SNTG1: variants seen among roughly 807,000 people sequenced by gnomAD.
The protein encoded by SNTG1 is syntrophin gamma 1.
Under a neutral mutation model 74.7 loss-of-function variants are expected in SNTG1, and 39 were observed. That is an observed-to-expected ratio of 0.52 (90% CI 0.40 to 0.68). The LOEUF (loss-of-function observed/expected upper bound fraction) is 0.68. Among genes scored for constraint, SNTG1 ranks in the 30% least tolerant of loss-of-function variants. The probability of loss-of-function intolerance (pLI) is 0.00; values close to 1 mark genes in which losing one functional copy is unlikely to be tolerated. For missense variants in SNTG1, 685 were observed against 609.5 expected, an observed-to-expected ratio of 1.12 and a Z score of -1.30; for synonymous variants, 254 against 217.1, an observed-to-expected ratio of 1.17 and a Z score of -1.49.
chr8:50,144,303 CAT>C (rs541086740), intron 1 of SNTG1, among the ~76,000 whole-genome samples: 22 of 152,194 alleles, frequency 1.4e-4, no homozygotes, highest in Non-Finnish European at 2.6e-4. Context: ...AGGAAGGAAA[CAT>C]AAAAATGGAG....
Position 50,227,719 on chromosome 8 carries a change from G to A in SNTG1, c.-28+55084G>A, listed in dbSNP as rs116046485. Among the ~76,000 whole-genome samples, 445 of 150,674 alleles carry A rather than the reference G, an allele frequency of 3.0e-3. 3 individuals carry two copies. The highest frequency in any genetic ancestry group is 0.01 in the African/African-American group (425 of 41,026). ...TTTTCCCTGAAGACAAGTCATCGGA[G>A]AAGCCAAAAGTCAAGGGAACAAGGA... On this transcript the variant is annotated intron_variant, in intron 2 of 18. Coordinates refer to ENST00000642720, the MANE Select transcript of SNTG1 (RefSeq NM_018967.5).
intron 1 of SNTG1, among the ~76,000 whole-genome samples, chr8:50,133,323 T>C (rs1248020232): frequency 6.6e-6 from 1 of 152,184 alleles, no homozygotes; most frequent in Non-Finnish European, 1.5e-5. Flanking sequence ...TTAATGTCCA[T>C]ATTTCTAACA....
At position 50,688,184 on chromosome 8, in the gene SNTG1, A is replaced by C. The variant is rs556754800; in HGVS notation, c.1039-16416A>C. Among the ~76,000 whole-genome samples the C allele has an allele frequency of 2.8e-4, 42 of 152,144 alleles. 1 individual carries two copies. The highest frequency in any genetic ancestry group is 5.0e-4 in the Non-Finnish European group (34 of 68,002). The stretch of plus-strand genomic sequence containing the variant: ...CTTTGTCAGATGAGTAGATTGCAAA[A>C]ATTTTCTCCCATTCTCTAGGTTGCC... On this transcript the variant is annotated intron_variant, in intron 15 of 18. Transcript: ENST00000642720.
intron 15 of SNTG1, among the ~76,000 whole-genome samples, chr8:50,680,622 G>C (rs1317702530): frequency 6.6e-6 from 1 of 152,062 alleles, no homozygotes; most frequent in Non-Finnish European, 1.5e-5. Context: ...AATGGTAGTG[G>C]CTCTGTCTAC....
chr8:50,578,203 A>T (rs938674690), intron 12 of SNTG1, among the ~76,000 whole-genome samples: 1 of 152,218 alleles, frequency 6.6e-6, no homozygotes, highest in Non-Finnish European at 1.5e-5. Context: ...TGTAGACCCA[A>T]AGAGAAAGTC....
intron 1 of SNTG1, among the ~76,000 whole-genome samples, chr8:50,099,512 G>A (rs1490658995): frequency 6.6e-6 from 1 of 152,126 alleles, no homozygotes; most frequent in African/African-American, 2.4e-5. Context: ...GATATCCAGA[G>A]GTAGGATTCC....
intron 2 of SNTG1, among the ~76,000 whole-genome samples, chr8:50,295,218 T>C (rs560118475): frequency 1.1e-3 from 164 of 152,280 alleles, no homozygotes; most frequent in South Asian, 2.7e-3. Flanking sequence ...AATAATCATG[T>C]TTTCTAATAA....
intron 2 of SNTG1, among the ~76,000 whole-genome samples, chr8:50,345,323 G>A (rs2091439831): frequency 6.6e-6 from 1 of 152,180 alleles, no homozygotes; most frequent in African/African-American, 2.4e-5. Context: ...AGCTGGCAAG[G>A]TGCATGTCTA....
chr8:50,738,475 C>A (rs2095534606), intron 17 of SNTG1, among the ~76,000 whole-genome samples: 2 of 152,106 alleles, frequency 1.3e-5, no homozygotes, highest in Non-Finnish European at 2.9e-5. Context: ...TGAAAATGGC[C>A]ATACTGCCCA....
intron 8 of SNTG1, among the ~76,000 whole-genome samples, chr8:50,478,644 G>C (rs751533035): frequency 6.6e-6 from 1 of 152,100 alleles, no homozygotes; most frequent in African/African-American, 2.4e-5. Flanking sequence ...GTAAAGTAGT[G>C]CATGTGTGTG....
chr8:50,589,202 T>G (rs113397035), intron 12 of SNTG1, among the ~76,000 whole-genome samples: 10 of 152,318 alleles, frequency 6.6e-5, no homozygotes, highest in African/African-American at 1.9e-4. Flanking sequence ...ATGGTAACAT[T>G]CACATATCAG....
chr8:50,506,980 T>G (rs558800123), intron 9 of SNTG1, among the ~76,000 whole-genome samples: 2 of 152,088 alleles, frequency 1.3e-5, no homozygotes, highest in Admixed American at 6.6e-5. Context: ...TATGTAGAGG[T>G]AATTTCCTTC....
intron 4 of SNTG1, among the ~76,000 whole-genome samples, chr8:50,436,155 T>C (rs1383183505): frequency 6.6e-6 from 1 of 152,182 alleles, no homozygotes; most frequent in East Asian, 1.9e-4. Flanking sequence ...TTAAGACAAC[T>C]GATATGGGTT....
At chr8:50,680,760 G>A (rs1433581848) in intron 15 of SNTG1, among the ~76,000 whole-genome samples, 1 of 152,014 alleles carries the variant, frequency 6.6e-6, no homozygotes, top group Non-Finnish European at 1.5e-5. Flanking sequence ...GCATTGGGCT[G>A]CGGCCCTGGA....
Position 50,741,550 on chromosome 8 carries a change from C to A in SNTG1, c.1285-10451C>A, listed in dbSNP as rs148313813. Among the ~76,000 whole-genome samples, 19 of 152,200 alleles carry A rather than the reference C, an allele frequency of 1.2e-4. No individual in the cohort carries two copies. In the East Asian group the frequency reaches 3.1e-3, roughly 25 times the overall value. On this transcript the variant is annotated intron_variant, in intron 17 of 18. Coordinates refer to ENST00000642720, the MANE Select transcript of SNTG1 (RefSeq NM_018967.5). ...GTATTTACTCAAAGTATCTAAAAAG[C>A]TATGTCCTCACAAAAGTCTGCACAT...
chr8:50,205,348 G>T (rs1352875494), intron 2 of SNTG1, among the ~76,000 whole-genome samples: 1 of 152,106 alleles, frequency 6.6e-6, no homozygotes, highest in African/African-American at 2.4e-5. Flanking sequence ...TCATGTGTCT[G>T]TTGGCTGCAC....
At chr8:50,175,305 T>A (rs945971521) in intron 2 of SNTG1, among the ~76,000 whole-genome samples, 4 of 152,122 alleles carry the variant, frequency 2.6e-5, no homozygotes, top group Admixed American at 6.5e-5. Context: ...CAGCAGCGAG[T>A]GATCTAGAAC....
At chr8:50,340,000 G>T in intron 2 of SNTG1, among the ~76,000 whole-genome samples, 1 of 151,374 alleles carries the variant, frequency 6.6e-6, no homozygotes, top group South Asian at 2.1e-4. Context: ...GAAGTATTTA[G>T]ATACAAATCC....
In SNTG1 at chr8:50,209,633, A is replaced by T. The variant is rs546387830; in HGVS notation, c.-28+36998A>T. Among the ~76,000 whole-genome samples the T allele has an allele frequency of 9.8e-5, 15 of 152,298 alleles. 1 individual carries two copies. Among genetic ancestry groups the T allele is most frequent in the African/African-American group, 2.9e-4 (12 of 41,570 alleles). Reference sequence around the variant, plus strand: ...AGAGTCTGGAGTGGACCTCCAGCAAACTCCAACAGACCTGCAGCTGAGGGT... The same window carrying T: ...AGAGTCTGGAGTGGACCTCCAGCAATCTCCAACAGACCTGCAGCTGAGGGT... On this transcript the variant is annotated intron_variant, in intron 2 of 18. Coordinates refer to ENST00000642720, the MANE Select transcript of SNTG1 (RefSeq NM_018967.5).
Sources: gnomAD v4.1 joint callset for allele counts (sites outside exome capture counted in the v4.1 genomes callset) on GRCh38, gnomAD v4.1.1 for gene constraint, MANE v1.5 for transcripts, NCBI Gene and HGNC (gene_info 2026-07-23, HGNC 2026-07-21) for gene names.